AKAP19: variants seen among roughly 807,000 people sequenced by gnomAD.
The protein encoded by AKAP19 is small A-kinase anchoring protein.
At chr2:190,103,347 C>T in the AKAP19 span, among the ~76,000 whole-genome samples, 18,357 of 151,944 alleles carry the variant, frequency 0.12, 1,146 homozygotes, top group East Asian at 0.14. Context: ...CCAGAGCAAT[C>T]GGAAGAGAAA....
the AKAP19 span, among the ~76,000 whole-genome samples, chr2:189,976,389 TG>T: frequency 6.6e-6 from 1 of 152,206 alleles, no homozygotes; most frequent in Non-Finnish European, 1.5e-5. Context: ...CTGCCCCTAC[TG>T]GGGGGTGCCT....
At chr2:189,898,247 G>A in the AKAP19 span, among the ~76,000 whole-genome samples, 677 of 152,040 alleles carry the variant, frequency 4.5e-3, 6 homozygotes, top group African/African-American at 0.015. Context: ...GCTTTTGGAT[G>A]ATTCAGGGTA....
the AKAP19 span, among the ~76,000 whole-genome samples, chr2:190,019,259 T>A: frequency 6.6e-6 from 1 of 152,118 alleles, no homozygotes; most frequent in Admixed American, 6.5e-5. Context: ...ACCATGGCAG[T>A]CTCTTCCTCT....
the AKAP19 span, among the ~76,000 whole-genome samples, chr2:190,061,325 G>T: frequency 7.9e-5 from 12 of 152,018 alleles, 2 homozygotes; most frequent in Admixed American, 7.9e-4. Flanking sequence ...CTGTCAAGGT[G>T]CCTGTTTCTC....
At chr2:190,041,637 T>A in the AKAP19 span, among the ~76,000 whole-genome samples, 2 of 152,214 alleles carry the variant, frequency 1.3e-5, no homozygotes, top group Non-Finnish European at 2.9e-5. Flanking sequence ...CTATTCAGTA[T>A]GTTGGCTGTG....
the AKAP19 span, among the ~76,000 whole-genome samples, chr2:190,069,515 A>G: frequency 1.3e-5 from 2 of 152,146 alleles, no homozygotes; most frequent in Admixed American, 1.3e-4. Flanking sequence ...CATTTTTAGA[A>G]ATCTTAACTC....
chr2:189,996,532 C>T, the AKAP19 span, among the ~76,000 whole-genome samples: 1 of 151,902 alleles, frequency 6.6e-6, no homozygotes. Context: ...AGTTGTTTTT[C>T]ACCTTTCTCT....
the AKAP19 span, among the ~76,000 whole-genome samples, chr2:190,081,542 A>T: frequency 6.6e-6 from 1 of 151,926 alleles, no homozygotes; most frequent in Non-Finnish European, 1.5e-5. Flanking sequence ...GCCTTTTTTG[A>T]CTTTTTCATA....
the AKAP19 span, chr2:189,923,493 CCTT>C: frequency 6.2e-7 from 1 of 1,613,840 alleles, no homozygotes; most frequent in Non-Finnish European, 8.5e-7. Flanking sequence ...AAGGGCTTTG[CCTT>C]CTTTCAGTAT....
At chr2:189,890,819 C>T in the AKAP19 span, among the ~76,000 whole-genome samples, 1 of 152,264 alleles carries the variant, frequency 6.6e-6, no homozygotes, top group African/African-American at 2.4e-5. Flanking sequence ...TGTCTCTGCA[C>T]ATGAGATGTG....
the AKAP19 span, among the ~76,000 whole-genome samples, chr2:190,112,652 A>C: frequency 2.6e-5 from 4 of 152,302 alleles, no homozygotes; most frequent in South Asian, 2.1e-4. Flanking sequence ...TGAGTTGGTC[A>C]AATGACTTTC....
the AKAP19 span, among the ~76,000 whole-genome samples, chr2:190,128,920 T>G: frequency 6.6e-6 from 1 of 152,232 alleles, no homozygotes; most frequent in Admixed American, 6.5e-5. Context: ...TGATGTCTCC[T>G]TGCACTTCAG....
the AKAP19 span, chr2:189,923,669 G>T: frequency 6.2e-7 from 1 of 1,614,002 alleles, no homozygotes; most frequent in Middle Eastern, 1.6e-4. Flanking sequence ...TTTTGACTTG[G>T]ATTGTGACTT....
the AKAP19 span, among the ~76,000 whole-genome samples, chr2:189,927,058 T>A: frequency 6.6e-6 from 1 of 151,984 alleles, no homozygotes; most frequent in South Asian, 2.1e-4. Flanking sequence ...TAATTTTTTT[T>A]ATTTTTATTT....
the AKAP19 span, among the ~76,000 whole-genome samples, chr2:189,927,497 G>A: frequency 3.9e-5 from 6 of 152,098 alleles, no homozygotes; most frequent in African/African-American, 1.2e-4. Flanking sequence ...TTTAATGTGC[G>A]ATAATGGTAG....
the AKAP19 span, among the ~76,000 whole-genome samples, chr2:190,129,818 G>C: frequency 6.6e-6 from 1 of 152,078 alleles, no homozygotes; most frequent in Non-Finnish European, 1.5e-5. Context: ...TCTCTAAAGA[G>C]AACTGGCTGT....
chr2:190,161,692 G>A, the AKAP19 span, among the ~76,000 whole-genome samples: 1 of 152,166 alleles, frequency 6.6e-6, no homozygotes, highest in African/African-American at 2.4e-5. Context: ...AGGAACTGAG[G>A]AGTAGAAGTA....
At chr2:190,143,952 A>G in the AKAP19 span, among the ~76,000 whole-genome samples, 2 of 142,460 alleles carry the variant, frequency 1.4e-5, no homozygotes, top group African/African-American at 2.6e-5. Flanking sequence ...ATTCTCACTC[A>G]TAGGTGGGAA....
chr2:189,899,482 A>G, the AKAP19 span, among the ~76,000 whole-genome samples: 488 of 152,278 alleles, frequency 3.2e-3, no homozygotes, highest in Admixed American at 9.0e-3. Context: ...ATTGGTAACC[A>G]TCTTGTCAGA....
Sources: allele counts gnomAD v4.1 joint callset (sites outside exome capture counted in the v4.1 genomes callset), GRCh38; gene constraint gnomAD v4.1.1; transcripts MANE v1.5; gene names NCBI Gene and HGNC (gene_info 2026-07-23, HGNC 2026-07-21).